The following AIMP2 variants were observed in gnomAD, a reference collection of about 807,000 sequenced individuals.
AIMP2 encodes the protein aminoacyl tRNA synthase complex-interacting multifunctional protein 2.
A neutral mutation model predicts 23.4 loss-of-function variants in AIMP2; 20 were observed. The ratio of observed to expected loss-of-function variants is 0.85; its 90% CI spans 0.60 to 1.24. The LOEUF is 1.24. AIMP2 is among the 50% of genes most tolerant of loss of function. The pLI is 0.00. For synonymous variants in AIMP2, 210 were observed against 170.4 expected, an observed-to-expected ratio of 1.23 and a Z score of -1.81; for missense variants, 515 against 414.5, an observed-to-expected ratio of 1.24 and a Z score of -2.10.
intron 1 of AIMP2, 43 bp from the exon 2 acceptor site, chr7:6,015,103 C>G: frequency 6.2e-7 from 1 of 1,612,968 alleles, no homozygotes; most frequent in Non-Finnish European, 8.5e-7. Context: ...CAACACTGGT[C>G]TGATGGGAGA....
At chr7:6,022,335 G>A (rs1290388403) in intron 3 of AIMP2, 2 of 152,176 alleles carry the variant, frequency 1.3e-5, no homozygotes, top group East Asian at 3.8e-4. Flanking sequence ...ACTGTGATGG[G>A]TAAGGCTTCC....
intron 3 of AIMP2, 108 bp from the exon 4 acceptor site, chr7:6,023,195 C>T (rs1787559570): frequency 1.5e-6 from 2 of 1,298,528 alleles, no homozygotes; most frequent in African/African-American, 1.5e-5. Context: ...AACACCCTTT[C>T]CCATGTCATC....
chr7:6,018,003 C>T lies in AIMP2; in HGVS notation c.532C>T (p.Arg178Cys), dbSNP rs200566166. 8 of 1,614,020 alleles carry T rather than the reference C, an allele frequency of 5.0e-6. No homozygotes were observed. Among genetic ancestry groups the T allele is most frequent in the South Asian group, 1.1e-5 (1 of 91,066 alleles). ...TGGAGAACAGAATAAAAAACAGCCCCGCCAAGACTATCAGCTGGGATTCAC... is the reference window on the plus strand; with the variant it reads ...TGGAGAACAGAATAAAAAACAGCCCTGCCAAGACTATCAGCTGGGATTCAC... ...CFGEQNKKQPRQDYQLGFTLI... is the reference protein window; with the variant it reads ...CFGEQNKKQPCQDYQLGFTLI... Residue 178 changes from arginine (R) to cysteine (C), a missense_variant, in exon 3 of 4, where the codon CGC (arginine) becomes TGC (cysteine). Physicochemically the swap from Arg to Cys is radical, Grantham distance 180 (BLOSUM62 -3). Transcript: ENST00000223029.
chr7:6,020,080 C>G (rs991454476), intron 3 of AIMP2, among the ~76,000 whole-genome samples: 7 of 151,080 alleles, frequency 4.6e-5, no homozygotes, highest in African/African-American at 1.7e-4. Flanking sequence ...CCAGGAGGTG[C>G]AAAAACCTTG....
chr7:6,019,704 T>C (rs1029233921), intron 3 of AIMP2, among the ~76,000 whole-genome samples: 7 of 151,948 alleles, frequency 4.6e-5, no homozygotes, highest in African/African-American at 1.7e-4. Flanking sequence ...GATAAATGAA[T>C]TCAGTGTAAG....
intron 1 of AIMP2, 29 bp downstream of exon 1, chr7:6,009,527 C>T: frequency 2.1e-6 from 3 of 1,422,694 alleles, no homozygotes; most frequent in South Asian, 3.1e-5. Flanking sequence ...CCGCCCAGTG[C>T]GCACGCGCGG....
At chr7:6,014,278 G>GA (rs1446233216) in intron 1 of AIMP2, among the ~76,000 whole-genome samples, 1 of 78,374 alleles carries the variant, frequency 1.3e-5, no homozygotes, top group Non-Finnish European at 2.4e-5. Context: ...TTTTTTTTGA[G>GA]ACGGTGTCTT....
chr7:6,023,564 T>C lies in AIMP2; in HGVS notation c.836T>C (p.Val279Ala). 1.2e-6 allele frequency: 2 copies of C among 1,614,208 alleles called. No homozygotes were observed. The highest frequency in any genetic ancestry group is 1.7e-6 in the Non-Finnish European group (2 of 1,180,040). The change falls in exon 4 of 4, where the codon GTG becomes GCG. Residue 279 changes from valine to alanine, a missense_variant. By Grantham distance (64) the Val-to-Ala change is moderately conservative (BLOSUM62 0). Coordinates refer to ENST00000223029, the MANE Select transcript of AIMP2 (RefSeq NM_006303.4). ...GGGAATGAACTCACCGTAGCAGACG[T>C]GGTGCTGTGGTCTGTACTCCAGCAG... Reference protein sequence around the residue: ...LAGNELTVADVVLWSVLQQIG... With the variant: ...LAGNELTVADAVLWSVLQQIG...
intron 3 of AIMP2, among the ~76,000 whole-genome samples, chr7:6,021,089 C>G (rs1787372884): frequency 6.6e-6 from 1 of 152,126 alleles, no homozygotes; most frequent in Non-Finnish European, 1.5e-5. Flanking sequence ...GCTGCAGGCA[C>G]TCAGAGCCCC....
Position 6,015,126 on chromosome 7 carries a change from T to G in AIMP2, c.136-20T>G, listed in dbSNP as rs1368901823. On this transcript the variant is annotated intron_variant, in intron 1 of 3. Transcript: ENST00000223029. Reference sequence around the variant, plus strand: ...GTCTGATGGGAGAGGAAATGAACATTTGGCTGTTGGTTTGTTTAGGAAGAG... The same window carrying G: ...GTCTGATGGGAGAGGAAATGAACATGTGGCTGTTGGTTTGTTTAGGAAGAG... 6.2e-7 allele frequency: 1 copy of G among 1,613,778 alleles called. No homozygotes were observed. Among genetic ancestry groups the G allele is most frequent in the African/African-American group, 1.3e-5 (1 of 74,898 alleles).
intron 3 of AIMP2, among the ~76,000 whole-genome samples, chr7:6,019,246 G>A (rs1037330778): frequency 1.1e-4 from 16 of 151,436 alleles, no homozygotes; most frequent in South Asian, 1.0e-3. Context: ...TTGGGAGGCC[G>A]AGGCGGGCAG....
At chr7:6,016,354 A>C (rs1477098719) in intron 2 of AIMP2, among the ~76,000 whole-genome samples, 2 of 152,244 alleles carry the variant, frequency 1.3e-5, no homozygotes, top group Admixed American at 1.3e-4. Context: ...AGCCTCCTCT[A>C]GAATGGGTGA....
At chr7:6,010,294 C>T (rs559844200) in intron 1 of AIMP2, among the ~76,000 whole-genome samples, 2 of 151,940 alleles carry the variant, frequency 1.3e-5, no homozygotes, top group African/African-American at 4.8e-5. Flanking sequence ...CACCATGGCC[C>T]AGGTTGACAC....
Position 6,022,010 on chromosome 7 carries a change from G to A in AIMP2, c.575-1293G>A, listed in dbSNP as rs1383878179. ...GCAAGACCAACCCCTCTTCCTCAGC[G>A]ACATGAGGACAGTGGGATGAAGACC... On this transcript the variant is annotated intron_variant, in intron 3 of 3. Coordinates refer to ENST00000223029, the MANE Select transcript of AIMP2 (RefSeq NM_006303.4). Among the ~76,000 whole-genome samples, 6 of 152,120 alleles carry A rather than the reference G, an allele frequency of 3.9e-5. No individual in the cohort carries two copies. The East Asian group carries it at 9.7e-4, about 25-fold the overall frequency.
At chr7:6,020,983 C>G (rs558046835) in intron 3 of AIMP2, among the ~76,000 whole-genome samples, 1 of 152,168 alleles carries the variant, frequency 6.6e-6, no homozygotes, top group African/African-American at 2.4e-5. Flanking sequence ...AACGTCTGGA[C>G]AAGAACGCTT....
Position 6,015,171 on chromosome 7 carries a change from C to T in AIMP2, c.161C>T (p.Ala54Val). Residue 54 changes from alanine to valine, a missense_variant, in exon 2 of 4, where the codon GCT (alanine) becomes GTT (valine). By Grantham distance (64) the Ala-to-Val change is moderately conservative. Transcript: ENST00000223029. Reference sequence around the variant, plus strand: ...GAAGAGTCTAACCTGTCTCTGCAAGCTCTTGAGTCCCGCCAAGATGATATT... The same window carrying T: ...GAAGAGTCTAACCTGTCTCTGCAAGTTCTTGAGTCCCGCCAAGATGATATT... The part of the protein sequence containing the change: ...VQEESNLSLQ[A>V]LESRQDDILK... 1 of 1,614,164 alleles carries T rather than the reference C, an allele frequency of 6.2e-7. No individual in the cohort carries two copies.
chr7:6,012,767 C>T (rs1786771557), intron 1 of AIMP2: 2 of 903,202 alleles, frequency 2.2e-6, no homozygotes, highest in Non-Finnish European at 1.4e-6. Flanking sequence ...TCATGTTGTC[C>T]TCTCGAACTC....
At chr7:6,014,132 C>T (rs1235060191) in intron 1 of AIMP2, among the ~76,000 whole-genome samples, 1 of 150,556 alleles carries the variant, frequency 6.6e-6, no homozygotes, top group Non-Finnish European at 1.5e-5. Flanking sequence ...TTGTTAAGAA[C>T]AAAGAACTAC....
chr7:6,016,655 C>G (rs1212181333), intron 2 of AIMP2, among the ~76,000 whole-genome samples: 2 of 152,026 alleles, frequency 1.3e-5, no homozygotes, highest in Admixed American at 6.6e-5. Flanking sequence ...ATGTGGTGCT[C>G]AAGATGAATT....
Sources: allele counts gnomAD v4.1 joint callset (sites outside exome capture counted in the v4.1 genomes callset), GRCh38; gene constraint gnomAD v4.1.1; transcripts MANE v1.5; gene names NCBI Gene and HGNC (gene_info 2026-07-23, HGNC 2026-07-21).